The following ARFGEF1 variants were observed in gnomAD, a reference collection of about 807,000 sequenced individuals.
ARFGEF1 encodes ARF guanine nucleotide exchange factor 1.
A neutral mutation model predicts 231.0 loss-of-function variants in ARFGEF1; 42 were observed. The observed-to-expected ratio is 0.18, with a 90% CI of 0.14 to 0.24. ARFGEF1 has a LOEUF of 0.24. Among genes scored for constraint, ARFGEF1 ranks in the 10% least tolerant of loss-of-function variants. The pLI is 1.00. For synonymous variants in ARFGEF1, 710 were observed against 732.3 expected (o/e 0.97, Z 0.49); for missense variants, 1,345 against 2,192.0 (o/e 0.61, Z 7.72).
At chr8:67,339,125 T>C (rs982573125) in intron 1 of ARFGEF1, among the ~76,000 whole-genome samples, 2 of 152,310 alleles carry the variant, frequency 1.3e-5, no homozygotes, top group Admixed American at 6.5e-5. Context: ...TAGACTCTTA[T>C]ATAAGAAAAC....
At chr8:67,190,621 A>G (rs1241355657) in intron 5 of ARFGEF1, 1 of 1,519,702 alleles carries the variant, frequency 6.6e-7, no homozygotes, top group Non-Finnish European at 9.1e-7. Flanking sequence ...CAGTATTAAG[A>G]CTCCTTCTGC....
chr8:67,334,343 G>C (rs143471769), intron 1 of ARFGEF1, among the ~76,000 whole-genome samples: 1 of 147,698 alleles, frequency 6.8e-6, no homozygotes, highest in Admixed American at 6.7e-5. Context: ...TTCTGATAAA[G>C]GATATTTAAT....
chr8:67,311,610 G>C (rs1246086600), intron 1 of ARFGEF1, among the ~76,000 whole-genome samples: 2 of 148,534 alleles, frequency 1.3e-5, no homozygotes, highest in African/African-American at 4.9e-5. Flanking sequence ...CCGGGAGGGA[G>C]GTGGGGGGGT....
intron 1 of ARFGEF1, among the ~76,000 whole-genome samples, chr8:67,337,034 C>T (rs1282106919): frequency 1.4e-5 from 2 of 144,308 alleles, no homozygotes; most frequent in Non-Finnish European, 3.0e-5. Flanking sequence ...GAGGCTGAGG[C>T]AGGAGAATGG....
downstream of ARFGEF1, chr8:67,175,458 GT>G (rs1563757112): frequency 1.2e-6 from 2 of 1,613,444 alleles, no homozygotes; most frequent in Admixed American, 3.3e-5. Context: ...TCATTGCTGT[GT>G]CAAATAGTAT....
intron 1 of ARFGEF1, among the ~76,000 whole-genome samples, chr8:67,302,906 TAAAAA>T (rs139020447): frequency 7.6e-4 from 78 of 102,020 alleles, no homozygotes; most frequent in African/African-American, 2.7e-3. Context: ...CCCCATCTCT[TAAAAA>T]AAAAAAAAAA....
At chr8:67,208,852 TAAC>T (rs1373687360) in intron 34 of ARFGEF1, among the ~76,000 whole-genome samples, 1 of 152,174 alleles carries the variant, frequency 6.6e-6, no homozygotes, top group Non-Finnish European at 1.5e-5. Flanking sequence ...AAAAGATGGT[TAAC>T]AACACTAATC....
chr8:67,243,213 G>C (rs1839984919), intron 19 of ARFGEF1, among the ~76,000 whole-genome samples: 1 of 152,222 alleles, frequency 6.6e-6, no homozygotes, highest in South Asian at 2.1e-4. Flanking sequence ...CCCTAAAGCA[G>C]ATACGGCATG....
At chr8:67,177,070 C>CAAAAAAA (rs36084458) in intron 5 of ARFGEF1, among the ~76,000 whole-genome samples, 9 of 51,840 alleles carry the variant, frequency 1.7e-4, no homozygotes, top group South Asian at 7.0e-4. Flanking sequence ...GACTTAGTCT[C>CAAAAAAA]AAAAAAAAAA....
At chr8:67,265,476 G>C (rs897005702) in intron 14 of ARFGEF1, among the ~76,000 whole-genome samples, 17 of 152,164 alleles carry the variant, frequency 1.1e-4, no homozygotes, top group Admixed American at 3.9e-4. Context: ...TAGTCCAGGA[G>C]CAGGCAGGTA....
chr8:67,197,453 A>AGAT, downstream of ARFGEF1, among the ~76,000 whole-genome samples: 1 of 152,192 alleles, frequency 6.6e-6, no homozygotes, highest in Non-Finnish European at 1.5e-5. Flanking sequence ...GGTCTCTAAA[A>AGAT]GATAAATAAA....
At chr8:67,309,096 C>T (rs892004647) in intron 1 of ARFGEF1, among the ~76,000 whole-genome samples, 9 of 152,040 alleles carry the variant, frequency 5.9e-5, no homozygotes, top group African/African-American at 1.9e-4. Flanking sequence ...CTGTCATTTG[C>T]GACAACATAG....
chr8:67,327,521 C>A (rs1044274630), intron 1 of ARFGEF1, among the ~76,000 whole-genome samples: 4 of 151,982 alleles, frequency 2.6e-5, no homozygotes, highest in African/African-American at 9.7e-5. Flanking sequence ...GGTTTCACCA[C>A]GTTGGCCAGG....
intron 6 of ARFGEF1, among the ~76,000 whole-genome samples, chr8:67,291,109 T>A (rs1805987910): frequency 6.6e-6 from 1 of 152,148 alleles, no homozygotes; most frequent in African/African-American, 2.4e-5. Flanking sequence ...ATTCTCATCA[T>A]TTAAAAATGA....
At chr8:67,203,398 A>C (rs1233305789) in intron 35 of ARFGEF1, 147 bp from the exon 36 acceptor site, 1 of 868,260 alleles carries the variant, frequency 1.2e-6, no homozygotes. Context: ...GGGAAGGTCC[A>C]CCTTCCAGTA....
intron 10 of ARFGEF1, among the ~76,000 whole-genome samples, chr8:67,271,046 AAAAAG>A (rs1464145217): frequency 3.1e-5 from 4 of 130,716 alleles, no homozygotes; most frequent in Non-Finnish European, 6.6e-5. Flanking sequence ...AAAAAAAAGG[AAAAAG>A]AAAAAAAAAA....
chr8:67,224,330 C>A (rs1331413003), intron 29 of ARFGEF1, among the ~76,000 whole-genome samples: 1 of 152,092 alleles, frequency 6.6e-6, no homozygotes, highest in African/African-American at 2.4e-5. Context: ...TGAGCCGTGA[C>A]CTAAGAACAG....
At chr8:67,328,956 T>C (rs1328386557) in intron 1 of ARFGEF1, among the ~76,000 whole-genome samples, 2 of 152,188 alleles carry the variant, frequency 1.3e-5, no homozygotes, top group African/African-American at 4.8e-5. Flanking sequence ...CCAGGCCCAG[T>C]AGCCTACACC....
At chr8:67,284,185 G>A (rs1186737882) in intron 7 of ARFGEF1, among the ~76,000 whole-genome samples, 2 of 152,002 alleles carry the variant, frequency 1.3e-5, no homozygotes, top group African/African-American at 4.8e-5. Context: ...AACTGAAATA[G>A]AATAATTTCT....
Sources: allele counts gnomAD v4.1 joint callset (sites outside exome capture counted in the v4.1 genomes callset), GRCh38; gene constraint gnomAD v4.1.1; transcripts MANE v1.5; gene names NCBI Gene and HGNC (gene_info 2026-07-23, HGNC 2026-07-21).